MAP3K5: variants seen among roughly 807,000 people sequenced by gnomAD.
MAP3K5 encodes the protein mitogen-activated protein kinase kinase kinase 5, also known as ASK-1.
In MAP3K5, 56 loss-of-function variants were observed where a neutral mutation model predicts 158.7. The ratio of observed to expected loss-of-function variants is 0.35; its 90% CI spans 0.28 to 0.44. The LOEUF (loss-of-function observed/expected upper bound fraction) is 0.44. Among genes scored for constraint, MAP3K5 ranks in the 20% least tolerant of loss-of-function variants. MAP3K5 has a pLI of 1.00. For synonymous variants in MAP3K5, 579 were observed against 601.7 expected (o/e 0.96, Z 0.55); for missense variants, 1,294 against 1,674.8 (o/e 0.77, Z 3.97).
chr6:136,793,019 C>T (rs1158971959), upstream of MAP3K5, among the ~76,000 whole-genome samples: 1 of 152,180 alleles, frequency 6.6e-6, no homozygotes, highest in African/African-American at 2.4e-5. Flanking sequence ...TTCACCCACC[C>T]GGCCCCCACC....
At chr6:136,687,443 G>C (rs1018841007) in intron 7 of MAP3K5, among the ~76,000 whole-genome samples, 2 of 152,114 alleles carry the variant, frequency 1.3e-5, no homozygotes, top group African/African-American at 4.8e-5. Flanking sequence ...TTAAACAAAA[G>C]AGCTTCTGCA....
chr6:136,627,932 T>C (rs1000819499), intron 14 of MAP3K5, among the ~76,000 whole-genome samples: 4 of 152,170 alleles, frequency 2.6e-5, no homozygotes, highest in Non-Finnish European at 5.9e-5. Flanking sequence ...AATTACTCTA[T>C]CCCCAGTTTT....
chr6:136,717,735 G>A (rs1056287097), intron 2 of MAP3K5, among the ~76,000 whole-genome samples: 7 of 152,042 alleles, frequency 4.6e-5, no homozygotes, highest in Admixed American at 3.3e-4. Flanking sequence ...AACTCTTTTC[G>A]GTAGCATAGG....
intron 7 of MAP3K5, among the ~76,000 whole-genome samples, chr6:136,692,071 C>CTT (rs201011698): frequency 3.3e-4 from 50 of 149,654 alleles, no homozygotes; most frequent in African/African-American, 1.2e-3. Context: ...TCTTTTTTTT[C>CTT]TTTTTTTCTT....
chr6:136,627,861 G>A (rs748026799), intron 14 of MAP3K5, among the ~76,000 whole-genome samples: 6 of 152,150 alleles, frequency 3.9e-5, no homozygotes, highest in South Asian at 2.1e-4. Context: ...AAGATCTTAC[G>A]GCTACCTCTG....
At chr6:136,696,099 G>A (rs917117799) in intron 5 of MAP3K5, 42 bp from the exon 6 acceptor site, 3 of 1,183,478 alleles carry the variant, frequency 2.5e-6, no homozygotes, top group Non-Finnish European at 3.7e-6. Flanking sequence ...AAACCATTAG[G>A]AGAAAATTCT....
chr6:136,637,288 A>G (rs1352926912), intron 14 of MAP3K5, 37 bp downstream of exon 14: 1 of 1,501,668 alleles, frequency 6.7e-7, no homozygotes, highest in Non-Finnish European at 9.3e-7. Context: ...TTGTTTTAAA[A>G]TGAGCTCTAA....
At chr6:136,771,201 T>C (rs192425589) in intron 1 of MAP3K5, among the ~76,000 whole-genome samples, 16 of 152,266 alleles carry the variant, frequency 1.1e-4, no homozygotes, top group African/African-American at 3.6e-4. Context: ...TCATTTCACA[T>C]GAACCAAAGG....
At chr6:136,689,851 A>C (rs1350399488) in intron 7 of MAP3K5, among the ~76,000 whole-genome samples, 1 of 152,200 alleles carries the variant, frequency 6.6e-6, no homozygotes, top group African/African-American at 2.4e-5. Context: ...TAAAAGAACT[A>C]AACAGTCCCT....
chr6:136,744,430 G>A (rs963443146), intron 1 of MAP3K5, among the ~76,000 whole-genome samples: 2 of 151,956 alleles, frequency 1.3e-5, no homozygotes, highest in African/African-American at 2.4e-5. Flanking sequence ...GCCCAGAAAA[G>A]TCTCTGTTCA....
At chr6:136,669,781 G>T (rs1211445069) in intron 7 of MAP3K5, among the ~76,000 whole-genome samples, 2 of 152,058 alleles carry the variant, frequency 1.3e-5, no homozygotes, top group Non-Finnish European at 2.9e-5. Flanking sequence ...CCAAATGTTA[G>T]AAAGCTATGT....
At chr6:136,745,143 G>GTTTT (rs11302986) in intron 1 of MAP3K5, among the ~76,000 whole-genome samples, 1 of 108,072 alleles carries the variant, frequency 9.3e-6, no homozygotes. Context: ...AGTCATTAAA[G>GTTTT]TTTTTTTTTT....
At chr6:136,704,311 A>G (rs1226086095) in intron 3 of MAP3K5, among the ~76,000 whole-genome samples, 2 of 152,164 alleles carry the variant, frequency 1.3e-5, no homozygotes, top group Non-Finnish European at 2.9e-5. Flanking sequence ...CAGACACTGG[A>G]GAGACGATCT....
At chr6:136,683,379 C>A (rs1780014026) in intron 7 of MAP3K5, among the ~76,000 whole-genome samples, 3 of 152,200 alleles carry the variant, frequency 2.0e-5, no homozygotes, top group Non-Finnish European at 4.4e-5. Context: ...TGCAGCTAAT[C>A]TGGGTTGGTC....
Position 136,633,487 on chromosome 6 carries a change from G to A in MAP3K5, c.2016+3838C>T, listed in dbSNP as rs527927671. ...AGGAATGAAGTCATCTTAGCCCAGC[G>A]GGAGTATGAACTTTGTCTGGGGTTA... is the stretch of plus-strand genomic sequence containing the variant. On this transcript the variant is annotated intron_variant, in intron 14 of 29. Transcript: ENST00000359015. 2.8e-4 allele frequency among the ~76,000 whole-genome samples: 43 copies of A among 151,804 alleles called. 1 individual carries two copies. In the Middle Eastern group the frequency reaches 0.01, roughly 36 times the overall value.
At chr6:136,661,597 G>A (rs914943548) in intron 8 of MAP3K5, among the ~76,000 whole-genome samples, 4 of 151,838 alleles carry the variant, frequency 2.6e-5, no homozygotes, top group Admixed American at 1.3e-4. Flanking sequence ...ACAAGGTTTC[G>A]CCATGTTGCC....
chr6:136,578,461 G>A (rs756903573), intron 25 of MAP3K5, among the ~76,000 whole-genome samples: 30 of 152,148 alleles, frequency 2.0e-4, no homozygotes, highest in Non-Finnish European at 3.8e-4. Context: ...TCTGGTGAGG[G>A]TAACAGCCAT....
chr6:136,662,408 C>T (rs1008136219), intron 8 of MAP3K5, among the ~76,000 whole-genome samples: 2 of 152,190 alleles, frequency 1.3e-5, no homozygotes, highest in Admixed American at 1.3e-4. Context: ...ATGCTCTTTG[C>T]ACAAACTTGT....
intron 14 of MAP3K5, among the ~76,000 whole-genome samples, chr6:136,628,817 C>G (rs1166957434): frequency 6.6e-6 from 1 of 151,910 alleles, no homozygotes; most frequent in African/African-American, 2.4e-5. Flanking sequence ...TTTTCTATCT[C>G]CCCTTTCTAT....
Sources: allele counts gnomAD v4.1 joint callset (sites outside exome capture counted in the v4.1 genomes callset), GRCh38; gene constraint gnomAD v4.1.1; transcripts MANE v1.5; gene names NCBI Gene and HGNC (gene_info 2026-07-23, HGNC 2026-07-21).